Variants in ASCC3 observed in about 807,000 individuals in gnomAD.
The protein encoded by ASCC3 is ASC-1 complex subunit P200.
A neutral mutation model predicts 256.3 loss-of-function variants in ASCC3; 158 were observed. The ratio of observed to expected loss-of-function variants is 0.62; its 90% CI spans 0.54 to 0.70. The LOEUF (loss-of-function observed/expected upper bound fraction) is 0.70. Among genes scored for constraint, ASCC3 ranks in the 30% least tolerant of loss-of-function variants. ASCC3 has a pLI of 0.00. For missense variants in ASCC3, 2,259 were observed against 2,626.0 expected (o/e 0.86, Z 3.05); for synonymous variants, 948 against 883.4 (o/e 1.07, Z -1.30).
intron 37 of ASCC3, 138 bp downstream of exon 37, chr6:100,540,025 G>T: frequency 1.3e-6 from 1 of 796,598 alleles, no homozygotes; most frequent in Non-Finnish European, 2.1e-6. Flanking sequence ...GGAAATTCTT[G>T]ATATGATCAA....
At chr6:100,575,687 T>C (rs1157591422) in intron 36 of ASCC3, among the ~76,000 whole-genome samples, 1 of 152,104 alleles carries the variant, frequency 6.6e-6, no homozygotes, top group East Asian at 1.9e-4. Context: ...CATGTTGTCA[T>C]AAGAACCATA....
intron 13 of ASCC3, among the ~76,000 whole-genome samples, chr6:100,698,679 A>G (rs1468489972): frequency 6.6e-6 from 1 of 152,148 alleles, no homozygotes; most frequent in Non-Finnish European, 1.5e-5. Context: ...TACATAAAAA[A>G]TGTTTTTAAG....
chr6:100,647,553 A>C, intron 20 of ASCC3, 102 bp from the exon 21 acceptor site: 1 of 987,558 alleles, frequency 1.0e-6, no homozygotes, highest in East Asian at 2.6e-5. Context: ...GTGCAAGTCA[A>C]GCTGCATCCT....
chr6:100,762,796 T>C (rs181581126), intron 10 of ASCC3, among the ~76,000 whole-genome samples: 17 of 152,242 alleles, frequency 1.1e-4, no homozygotes, highest in Admixed American at 1.0e-3. Context: ...TTGGACTTAA[T>C]TCAATAAGCA....
chr6:100,718,182 C>T lies in ASCC3; in HGVS notation c.1972G>A (p.Ala658Thr). 1 of 1,613,594 alleles carries T rather than the reference C, an allele frequency of 6.2e-7. No individual in the cohort carries two copies. Among genetic ancestry groups the T allele is most frequent in the Non-Finnish European group, 8.5e-7 (1 of 1,179,708 alleles). Residue 658 changes from alanine (A) to threonine (T), a missense_variant, in exon 12 of 42, where the codon GCC becomes ACC. This residue lies in a region of ASCC3 where 1,839 missense variants were observed against 2,206.7 expected (regional missense o/e 0.83). Coordinates refer to ENST00000369162, the MANE Select transcript of ASCC3 (RefSeq NM_006828.4). ...TATGGATTAACATGTAAAAATGTGG[C>T]AACATCGAGGTAGTTAGGTAAAGTT... ...SATLPNYLDV[A>T]TFLHVNPYIG... is the part of the protein sequence containing the mutation.
intron 36 of ASCC3, among the ~76,000 whole-genome samples, chr6:100,586,711 T>C (rs578146353): frequency 7.7e-4 from 118 of 152,302 alleles, no homozygotes; most frequent in African/African-American, 2.7e-3. Context: ...GAGCTGTTCC[T>C]ATTCGGCCAT....
intron 13 of ASCC3, among the ~76,000 whole-genome samples, chr6:100,693,290 G>A (rs1188090644): frequency 6.6e-6 from 1 of 151,988 alleles, no homozygotes; most frequent in African/African-American, 2.4e-5. Context: ...TCTGTATAGT[G>A]AAGGTAGTAT....
Position 100,757,647 on chromosome 6 carries a change from G to A in ASCC3, c.1737+8918C>T, listed in dbSNP as rs565037941. On this transcript the variant is annotated intron_variant, in intron 10 of 41. Transcript: ENST00000369162. The stretch of plus-strand genomic sequence containing the variant: ...AGTCTATATGGCTGAACAAGATATT[G>A]TAGAAATCTTTCATCTTATTCTTGC... Among the ~76,000 whole-genome samples, 85 of 152,222 alleles carry A rather than the reference G, an allele frequency of 5.6e-4. 2 individuals are homozygous for A. The South Asian group carries it at 0.017, about 30-fold the overall frequency.
intron 36 of ASCC3, among the ~76,000 whole-genome samples, chr6:100,560,155 T>C (rs1769854681): frequency 6.6e-6 from 1 of 152,168 alleles, no homozygotes; most frequent in South Asian, 2.1e-4. Context: ...GGCAGAAAGT[T>C]TTAGTTTTAG....
chr6:100,598,398 G>A (rs887221929), intron 34 of ASCC3, among the ~76,000 whole-genome samples: 9 of 152,180 alleles, frequency 5.9e-5, no homozygotes, highest in Admixed American at 5.2e-4. Flanking sequence ...CTACCACCAT[G>A]TGTGAGCAGG....
intron 8 of ASCC3, among the ~76,000 whole-genome samples, chr6:100,789,142 G>C (rs1769228405): frequency 6.6e-6 from 1 of 151,748 alleles, no homozygotes; most frequent in Non-Finnish European, 1.5e-5. Context: ...GGAGGGCAGA[G>C]GAAAGAATTT....
At chr6:100,584,679 C>G (rs954579487) in intron 36 of ASCC3, among the ~76,000 whole-genome samples, 1 of 151,886 alleles carries the variant, frequency 6.6e-6, no homozygotes, top group Non-Finnish European at 1.5e-5. Context: ...TTCCTAGTCT[C>G]GATGGTCTTT....
At chr6:100,803,864 G>T (rs1770041937) in intron 5 of ASCC3, among the ~76,000 whole-genome samples, 1 of 152,064 alleles carries the variant, frequency 6.6e-6, no homozygotes, top group Non-Finnish European at 1.5e-5. Flanking sequence ...AAGAAGGATA[G>T]ATGTTGAATA....
chr6:100,737,849 T>C (rs1409170226), intron 10 of ASCC3, among the ~76,000 whole-genome samples: 1 of 152,178 alleles, frequency 6.6e-6, no homozygotes, highest in African/African-American at 2.4e-5. Context: ...CCACCAACAG[T>C]GTAAAAGCAT....
chr6:100,597,157 T>TC (rs1347611304), intron 34 of ASCC3, among the ~76,000 whole-genome samples: 2 of 151,992 alleles, frequency 1.3e-5, no homozygotes, highest in African/African-American at 2.4e-5. Flanking sequence ...ATCTCCCATC[T>TC]CCCCCCAGGC....
intron 2 of ASCC3, 44 bp downstream of exon 2, chr6:100,867,864 G>C (rs759243844): frequency 1.4e-6 from 2 of 1,441,444 alleles, no homozygotes; most frequent in Non-Finnish European, 1.9e-6. Context: ...TCCATAGTCT[G>C]TGTTTATAAT....
At position 100,831,878 on chromosome 6, in the gene ASCC3, AAAC is replaced by A. The variant is rs1156229727; in HGVS notation, c.801+16267_801+16269del. Among the ~76,000 whole-genome samples the A allele has an allele frequency of 3.3e-5, 5 of 152,120 alleles. No individual in the cohort carries two copies. In the South Asian group the frequency reaches 1.0e-3, roughly 31 times the overall value. ...TATTAAAAAAGGAATTTATAAAACA[AAAC>A]AAAAAAGTTAAAGAAGAACTGGTGG... On this transcript the variant is annotated intron_variant, in intron 4 of 41. Coordinates refer to ENST00000369162, the MANE Select transcript of ASCC3 (RefSeq NM_006828.4).
At chr6:100,737,403 C>T (rs1780229321) in intron 10 of ASCC3, among the ~76,000 whole-genome samples, 2 of 152,064 alleles carry the variant, frequency 1.3e-5, no homozygotes, top group Admixed American at 1.3e-4. Flanking sequence ...CAACAGGCCC[C>T]AGTGTGTGTT....
intron 36 of ASCC3, among the ~76,000 whole-genome samples, chr6:100,586,940 A>G (rs772995751): frequency 5.9e-5 from 9 of 152,228 alleles, no homozygotes; most frequent in African/African-American, 9.7e-5. Context: ...GTTATCAGAA[A>G]TACTAAAAAT....
Sources: allele counts gnomAD v4.1 joint callset (sites outside exome capture counted in the v4.1 genomes callset), GRCh38; gene constraint gnomAD v4.1.1; regional missense constraint gnomAD v4.1.1; transcripts MANE v1.5; gene names NCBI Gene and HGNC (gene_info 2026-07-23, HGNC 2026-07-21).